The following BLVRA variants were observed in gnomAD, a reference collection of about 807,000 sequenced individuals.
BLVRA encodes the protein BVR A.
Under a neutral mutation model 32.8 loss-of-function variants are expected in BLVRA, and 22 were observed. The observed-to-expected ratio is 0.67, with a 90% CI of 0.48 to 0.96. The LOEUF (loss-of-function observed/expected upper bound fraction) is 0.96. BLVRA is among the 40% of genes least tolerant of loss of function. BLVRA has a pLI of 0.00. For missense variants in BLVRA, 323 were observed against 358.1 expected (o/e 0.90, Z 0.79); for synonymous variants, 119 against 141.3 (o/e 0.84, Z 1.12).
chr7:43,772,726 G>T (rs558060016), intron 2 of BLVRA, among the ~76,000 whole-genome samples: 176 of 152,346 alleles, frequency 1.2e-3, no homozygotes, highest in African/African-American at 4.1e-3. Flanking sequence ...AGAAGGCAAA[G>T]TGCTGAGCGA....
At chr7:43,796,710 A>G (rs2095793242) in intron 5 of BLVRA, among the ~76,000 whole-genome samples, 1 of 152,238 alleles carries the variant, frequency 6.6e-6, no homozygotes, top group Admixed American at 6.5e-5. Flanking sequence ...AAATGGACTA[A>G]TCAAACTTAA....
At chr7:43,760,854 C>T (rs1023016813) in intron 1 of BLVRA, among the ~76,000 whole-genome samples, 12 of 151,656 alleles carry the variant, frequency 7.9e-5, no homozygotes, top group African/African-American at 1.7e-4. Context: ...CTGCAACCTC[C>T]GCCCCCTGGG....
Position 43,791,369 on chromosome 7 carries a change from G to A in BLVRA, c.254+1G>A. 1 of 1,614,136 alleles carries A rather than the reference G, an allele frequency of 6.2e-7. No homozygotes were observed. The highest frequency in any genetic ancestry group is 8.5e-7 in the Non-Finnish European group (1 of 1,179,998). Reference sequence around the variant, plus strand: ...GCTCCAGCCATGAGGACTACATCAGGTGGGTTTTCCACACAGGCAGTCCTT... The same window carrying A: ...GCTCCAGCCATGAGGACTACATCAGATGGGTTTTCCACACAGGCAGTCCTT... On this transcript the variant is annotated splice_donor_variant, in intron 4 of 7. Transcript: ENST00000265523. LOFTEE classifies it high-confidence loss of function.
Position 43,792,148 on chromosome 7 carries a change from C to T in BLVRA, c.255-567C>T, listed in dbSNP as rs17239601. Among the ~76,000 whole-genome samples, 1,312 of 152,280 alleles carry T rather than the reference C, an allele frequency of 8.6e-3. 16 individuals carry two copies. Among genetic ancestry groups the T allele is most frequent in the African/African-American group, 0.03 (1,232 of 41,548 alleles). ...GTCAGGCCCCCAGCTACTTTTCCAA[C>T]GTTATTATCCTCCACGGCCTGTAGT... On this transcript the variant is annotated intron_variant, in intron 4 of 7. Coordinates refer to ENST00000265523, the MANE Select transcript of BLVRA (RefSeq NM_000712.4).
intron 5 of BLVRA, among the ~76,000 whole-genome samples, chr7:43,796,133 A>AAAAAAAG (rs1554584739): frequency 1.3e-5 from 2 of 151,274 alleles, no homozygotes; most frequent in African/African-American, 4.9e-5. Flanking sequence ...AAAAAAAAAA[A>AAAAAAAG]AAAAGAAAAG....
At chr7:43,768,447 G>A (rs139158661) in intron 1 of BLVRA, among the ~76,000 whole-genome samples, 129 of 152,288 alleles carry the variant, frequency 8.5e-4, no homozygotes, top group African/African-American at 3.0e-3. Flanking sequence ...GGAAATTGCA[G>A]GGCAGTGCCG....
chr7:43,806,587 T>C (rs911816259), intron 7 of BLVRA, among the ~76,000 whole-genome samples: 18 of 150,770 alleles, frequency 1.2e-4, no homozygotes, highest in African/African-American at 4.1e-4. Flanking sequence ...ACTAAAAATA[T>C]TTTTTTAAAA....
intron 1 of BLVRA, among the ~76,000 whole-genome samples, chr7:43,760,383 C>G (rs2095740960): frequency 6.6e-6 from 1 of 152,152 alleles, no homozygotes; most frequent in South Asian, 2.1e-4. Flanking sequence ...ATTGCACTGA[C>G]TTCTATGTAG....
At chr7:43,804,839 G>C (rs1398553497) in intron 7 of BLVRA, among the ~76,000 whole-genome samples, 2 of 152,188 alleles carry the variant, frequency 1.3e-5, no homozygotes, top group African/African-American at 2.4e-5. Context: ...GCAGAGAGGT[G>C]GGTCTCCTGG....
intron 6 of BLVRA, among the ~76,000 whole-genome samples, chr7:43,803,309 T>TTGTGTG (rs34404101): frequency 1.1e-4 from 16 of 149,148 alleles, no homozygotes; most frequent in Non-Finnish European, 1.6e-4. Flanking sequence ...TAGGTATGTG[T>TTGTGTG]TGTGTGTGTG....
intron 2 of BLVRA, among the ~76,000 whole-genome samples, chr7:43,774,312 T>C (rs923541239): frequency 3.4e-4 from 52 of 152,236 alleles, no homozygotes; most frequent in Non-Finnish European, 6.3e-4. Context: ...AATTAATTTT[T>C]GTATAAGGTG....
At chr7:43,794,066 A>C (rs2095789107) in intron 5 of BLVRA, among the ~76,000 whole-genome samples, 2 of 151,914 alleles carry the variant, frequency 1.3e-5, no homozygotes, top group Non-Finnish European at 2.9e-5. Context: ...AACATGGTGA[A>C]ACCCCATCTC....
intron 6 of BLVRA, among the ~76,000 whole-genome samples, chr7:43,803,351 A>G (rs1247819662): frequency 1.3e-5 from 2 of 152,164 alleles, no homozygotes; most frequent in African/African-American, 2.4e-5. Context: ...ATATGTGTAC[A>G]TAGATGTATA....
intron 2 of BLVRA, among the ~76,000 whole-genome samples, chr7:43,781,421 A>G (rs780824944): frequency 1.3e-5 from 2 of 151,972 alleles, no homozygotes; most frequent in African/African-American, 2.4e-5. Context: ...ATCTCAGCTC[A>G]CTGCAACCTC....
At chr7:43,806,276 C>T (rs889476951) in intron 7 of BLVRA, among the ~76,000 whole-genome samples, 1 of 152,208 alleles carries the variant, frequency 6.6e-6, no homozygotes, top group Admixed American at 6.5e-5. Context: ...TGCACCACTG[C>T]ACTCCAGCCT....
intron 5 of BLVRA, among the ~76,000 whole-genome samples, chr7:43,799,191 G>C (rs911285228): frequency 6.6e-6 from 1 of 152,124 alleles, no homozygotes; most frequent in African/African-American, 2.4e-5. Context: ...AGACTCCTGC[G>C]ACAGACATCC....
At chr7:43,763,823 G>A (rs577934849) in intron 1 of BLVRA, among the ~76,000 whole-genome samples, 8 of 152,228 alleles carry the variant, frequency 5.3e-5, no homozygotes, top group African/African-American at 9.6e-5. Flanking sequence ...TAACTTAGCC[G>A]TTTCTCTTTT....
intron 7 of BLVRA, among the ~76,000 whole-genome samples, chr7:43,806,158 C>T: frequency 6.6e-6 from 1 of 152,066 alleles, no homozygotes. Context: ...ACTAAAAATA[C>T]AAAAATTAGC....
At chr7:43,772,151 T>C (rs2095755333) in intron 2 of BLVRA, among the ~76,000 whole-genome samples, 1 of 152,174 alleles carries the variant, frequency 6.6e-6, no homozygotes, top group African/African-American at 2.4e-5. Flanking sequence ...GGCTGGTCGA[T>C]CCTGCGGCTC....
Sources: allele counts gnomAD v4.1 joint callset (sites outside exome capture counted in the v4.1 genomes callset), GRCh38; gene constraint gnomAD v4.1.1; transcripts MANE v1.5; gene names NCBI Gene and HGNC (gene_info 2026-07-23, HGNC 2026-07-21).